Variants in CNTN6 observed in about 807,000 individuals in gnomAD.
CNTN6 encodes contactin 6.
Under a neutral mutation model 122.8 loss-of-function variants are expected in CNTN6, and 137 were observed. The ratio of observed to expected loss-of-function variants is 1.12; its 90% CI spans 0.97 to 1.29. CNTN6 has a LOEUF of 1.29. Ranked by LOEUF, CNTN6 falls within the 50% of genes most tolerant of loss-of-function variation. CNTN6 has a pLI of 0.00. For missense variants in CNTN6, 1,634 were observed against 1,223.4 expected (o/e 1.34, Z -5.01); for synonymous variants, 570 against 426.0 (o/e 1.34, Z -4.16).
chr3:1,299,908 A>G (rs977343432), intron 7 of CNTN6, among the ~76,000 whole-genome samples: 6 of 152,218 alleles, frequency 3.9e-5, no homozygotes, highest in Non-Finnish European at 7.3e-5. Context: ...AATACATGTT[A>G]AAACATTAAG....
intron 5 of CNTN6, among the ~76,000 whole-genome samples, chr3:1,285,026 C>G (rs1168647900): frequency 6.6e-6 from 1 of 152,140 alleles, no homozygotes; most frequent in Non-Finnish European, 1.5e-5. Context: ...GAGTGACATG[C>G]TTTCTCTGAC....
At chr3:1,377,570 C>G (rs155857) in intron 17 of CNTN6, among the ~76,000 whole-genome samples, 105,453 of 152,038 alleles carry the variant, frequency 0.69, 37,015 homozygotes, top group African/African-American at 0.81. Context: ...ATTTTTTTAC[C>G]TTATTAAAAA....
chr3:1,095,165 T>C (rs985663769), intron 1 of CNTN6, among the ~76,000 whole-genome samples: 4 of 135,468 alleles, frequency 3.0e-5, no homozygotes, highest in African/African-American at 1.2e-4. Flanking sequence ...GATCTTATCC[T>C]ACACTTAAAA....
At chr3:1,291,934 C>T (rs1456106677) in intron 5 of CNTN6, among the ~76,000 whole-genome samples, 2 of 152,094 alleles carry the variant, frequency 1.3e-5, no homozygotes, top group Non-Finnish European at 2.9e-5. Context: ...CATACTTGAT[C>T]CAAAAGTATA....
At chr3:1,338,280 A>G (rs1310075821) in intron 11 of CNTN6, among the ~76,000 whole-genome samples, 1 of 152,180 alleles carries the variant, frequency 6.6e-6, no homozygotes, top group Non-Finnish European at 1.5e-5. Context: ...ATGGGCTGCG[A>G]TATCAGTCAG....
intron 4 of CNTN6, among the ~76,000 whole-genome samples, chr3:1,251,353 C>T (rs2094665229): frequency 6.6e-6 from 1 of 152,198 alleles, no homozygotes; most frequent in Non-Finnish European, 1.5e-5. Context: ...AATACTTTGA[C>T]TCTGCTAGAT....
At chr3:1,268,334 GC>G (rs1448551752) in intron 4 of CNTN6, among the ~76,000 whole-genome samples, 1 of 152,144 alleles carries the variant, frequency 6.6e-6, no homozygotes, top group Non-Finnish European at 1.5e-5. Context: ...TGGGCTGGGC[GC>G]GGTGGCTCAC....
At chr3:1,268,372 C>G (rs763181689) in intron 4 of CNTN6, among the ~76,000 whole-genome samples, 59 of 152,006 alleles carry the variant, frequency 3.9e-4, no homozygotes, top group Non-Finnish European at 5.0e-4. Context: ...CTTTGGGAGG[C>G]CGAGGCGGGC....
At chr3:1,200,909 C>T (rs971980807) in intron 2 of CNTN6, among the ~76,000 whole-genome samples, 4 of 151,068 alleles carry the variant, frequency 2.6e-5, no homozygotes, top group Admixed American at 6.6e-5. Context: ...CTTTCTTTCC[C>T]TTTGTTTCTT....
At chr3:1,156,693 C>A (rs865980361) in intron 2 of CNTN6, among the ~76,000 whole-genome samples, 1 of 133,602 alleles carries the variant, frequency 7.5e-6, no homozygotes, top group East Asian at 2.2e-4. Flanking sequence ...CCCTCCCTCC[C>A]TTCCTTCCTT....
chr3:1,118,564 G>C (rs1437719679), intron 1 of CNTN6, among the ~76,000 whole-genome samples: 1 of 151,932 alleles, frequency 6.6e-6, no homozygotes, highest in African/African-American at 2.4e-5. Flanking sequence ...TATTATTCTT[G>C]TCTCTTGAGG....
chr3:1,166,444 G>A (rs920324338), intron 2 of CNTN6, among the ~76,000 whole-genome samples: 1 of 152,108 alleles, frequency 6.6e-6, no homozygotes, highest in Non-Finnish European at 1.5e-5. Context: ...GCAAAAAAAA[G>A]GCACATCCTA....
At chr3:1,165,277 G>T (rs1168141420) in intron 2 of CNTN6, among the ~76,000 whole-genome samples, 1 of 152,088 alleles carries the variant, frequency 6.6e-6, no homozygotes, top group African/African-American at 2.4e-5. Flanking sequence ...CATCTAGGCT[G>T]TTGCGGAAGA....
intron 12 of CNTN6, among the ~76,000 whole-genome samples, chr3:1,365,443 A>T (rs1708078555): frequency 6.6e-6 from 1 of 152,064 alleles, no homozygotes; most frequent in Non-Finnish European, 1.5e-5. Context: ...AAATAAAAAC[A>T]CATATATTTT....
At chr3:1,368,190 G>C (rs1398878256) in intron 12 of CNTN6, among the ~76,000 whole-genome samples, 1 of 152,100 alleles carries the variant, frequency 6.6e-6, no homozygotes, top group South Asian at 2.1e-4. Flanking sequence ...TACAAAAATG[G>C]AATGGTAAAA....
Position 1,176,915 on chromosome 3 carries a change from A to T in CNTN6, c.55+28852A>T, listed in dbSNP as rs539457214. Reference sequence around the variant, plus strand: ...TACAAGCAGAGTAAAAGGCCTCCTCAATGCTAAGAGGTGCACTTTCTACTA... The same window carrying T: ...TACAAGCAGAGTAAAAGGCCTCCTCTATGCTAAGAGGTGCACTTTCTACTA... On this transcript the variant is annotated intron_variant, in intron 2 of 22. Transcript: ENST00000446702. Among the ~76,000 whole-genome samples the T allele has an allele frequency of 1.5e-3, 232 of 152,292 alleles. 1 individual carries two copies. The highest frequency in any genetic ancestry group is 5.4e-3 in the African/African-American group (226 of 41,570).
chr3:1,398,875 A>G (rs1284548466), intron 20 of CNTN6, among the ~76,000 whole-genome samples: 1 of 152,136 alleles, frequency 6.6e-6, no homozygotes, highest in Non-Finnish European at 1.5e-5. Flanking sequence ...ACTCACTCCG[A>G]ATGCAACTCT....
At chr3:1,296,990 C>A (rs1166723965) in intron 6 of CNTN6, among the ~76,000 whole-genome samples, 2 of 151,148 alleles carry the variant, frequency 1.3e-5, no homozygotes, top group Non-Finnish European at 2.9e-5. Context: ...AAAAATCAAA[C>A]CTATTTTAAA....
At chr3:1,191,595 G>A (rs2093703384) in intron 2 of CNTN6, among the ~76,000 whole-genome samples, 1 of 152,110 alleles carries the variant, frequency 6.6e-6, no homozygotes, top group Non-Finnish European at 1.5e-5. Flanking sequence ...ACCTGTAAAT[G>A]TGACTAAGGT....
Sources: allele counts gnomAD v4.1 joint callset (sites outside exome capture counted in the v4.1 genomes callset), GRCh38; gene constraint gnomAD v4.1.1; transcripts MANE v1.5; gene names NCBI Gene and HGNC (gene_info 2026-07-23, HGNC 2026-07-21).